Variants in BCOR observed in about 807,000 individuals in gnomAD.
BCOR encodes the protein BCL-6 corepressor.
Under a neutral mutation model 86.7 loss-of-function variants are expected in BCOR, and 10 were observed. The ratio of observed to expected loss-of-function variants is 0.12; its 90% confidence interval spans 0.07 to 0.20. The LOEUF (loss-of-function observed/expected upper bound fraction) is 0.20, where lower values mean the gene tolerates loss of function less well. Ranked by LOEUF, BCOR falls within the 10% of genes least tolerant of loss-of-function variation. BCOR has a pLI of 1.00. For synonymous variants in BCOR, 611 were observed against 609.0 expected (o/e 1.00, Z -0.05); for missense variants, 1,259 against 1,452.1 (o/e 0.87, Z 2.16).
intron 1 of BCOR, among the ~76,000 whole-genome samples, chrX:40,163,999 G>A (rs1203732806): frequency 9.3e-6 from 1 of 107,004 alleles, no homozygotes; most frequent in Non-Finnish European, 1.9e-5. Flanking sequence ...ACTCCAGCCT[G>A]GGCGACAGAG....
chrX:40,139,480 T>C lies in BCOR; in HGVS notation c.-41+37527A>G, dbSNP rs1484522201. ...ACATATATATATATATATATATATA[T>C]ATATATATATATATATATTTTTTTT... On this transcript the variant is annotated intron_variant, in intron 1 of 14. Coordinates refer to the BCOR transcript ENST00000342274. 2.2e-4 allele frequency among the ~76,000 whole-genome samples: 3 copies of C among 13,705 alleles called. 1 individual carries two copies. The highest frequency in any genetic ancestry group is 1.1e-3 in the African/African-American group (2 of 1,799). 11.9% of individuals were successfully genotyped at this position (13,705 alleles called of 115,157 possible).
Position 40,053,979 on chromosome X carries a change from T to C in BCOR, c.4883A>G (p.Asp1628Gly), listed in dbSNP as rs770678387. Residue 1628 changes from aspartate to glycine, a missense_variant, in exon 14 of 15, where the codon GAT (aspartate) becomes GGT (glycine). Asp to Gly is a moderately conservative substitution (Grantham distance 94, BLOSUM62 -1). Around this residue, in one of 7 missense-constraint regions of BCOR, gnomAD observed 137 missense variants for 149.8 expected, o/e 0.91. Coordinates refer to ENST00000378444, the MANE Select transcript of BCOR (RefSeq NM_001123385.2). ...ANPPGPEDQD[D>G]DDDAYSDVFE... ...CACATCGCTATAGGCATCGTCATCA[T>C]CATCCTGGTCTTCTGGTCCTGGGGG... 6.6e-6 allele frequency: 8 copies of C among 1,211,471 alleles called. No homozygotes were observed. The highest frequency in any genetic ancestry group is 2.2e-6 in the Non-Finnish European group (2 of 895,229).
At chrX:40,128,548 A>G (rs952840991) in intron 1 of BCOR, among the ~76,000 whole-genome samples, 2 of 111,946 alleles carry the variant, frequency 1.8e-5, no homozygotes, top group Non-Finnish European at 3.8e-5. Context: ...CCTGTCTCCA[A>G]AAAAAAGAAT....
rs148159560 is a variant in BCOR at position 40,130,058 on chromosome X, G to A, written c.-41+46949C>T. 1.5e-3 allele frequency among the ~76,000 whole-genome samples: 169 copies of A among 111,119 alleles called. 1 individual carries two copies. The highest frequency in any genetic ancestry group is 5.4e-3 in the South Asian group (14 of 2,611). On this transcript the variant is annotated intron_variant, in intron 1 of 14. Transcript: ENST00000342274. ...AAAAGAAGAAGAACAGACTTCACCC[G>A]TGCAGCAGGCACCTCCTCTACCACC... is the stretch of plus-strand genomic sequence containing the variant.
At chrX:40,112,289 A>T (rs1245829875) in intron 1 of BCOR, among the ~76,000 whole-genome samples, 4 of 110,432 alleles carry the variant, frequency 3.6e-5, no homozygotes, top group African/African-American at 1.3e-4. Flanking sequence ...CTTATTGATG[A>T]CTTACATTTT....
chrX:40,116,520 T>A (rs1281093349), intron 1 of BCOR, among the ~76,000 whole-genome samples: 1 of 110,153 alleles, frequency 9.1e-6, no homozygotes, highest in Non-Finnish European at 1.9e-5. Flanking sequence ...TGTCCTATAA[T>A]AAAGGTACTA....
chrX:40,120,402 GAATCAC>G (rs943444607), intron 1 of BCOR, among the ~76,000 whole-genome samples: 5 of 111,592 alleles, frequency 4.5e-5, no homozygotes, highest in Non-Finnish European at 9.4e-5. Context: ...AGAAACCTGA[GAATCAC>G]CCTTGACCTC....
chrX:40,057,615 C>G (rs912062025), intron 10 of BCOR, among the ~76,000 whole-genome samples: 12 of 111,872 alleles, frequency 1.1e-4, no homozygotes, highest in African/African-American at 3.9e-4. Context: ...CTACCAGAGG[C>G]TGCTAAGAAA....
intron 1 of BCOR, among the ~76,000 whole-genome samples, chrX:40,160,111 C>CT (rs748741460): frequency 0.019 from 1,955 of 104,578 alleles, 28 homozygotes; most frequent in African/African-American, 0.055. Flanking sequence ...ACATGGATTA[C>CT]TTTTTTTTTT....
chrX:40,120,688 C>G (rs1286592593), intron 1 of BCOR, among the ~76,000 whole-genome samples: 1 of 111,717 alleles, frequency 9.0e-6, no homozygotes, highest in Admixed American at 9.6e-5. Flanking sequence ...TCCAGGCTCC[C>G]GACACACCCC....
At chrX:40,125,344 C>T (rs1937526401) in intron 1 of BCOR, among the ~76,000 whole-genome samples, 1 of 111,647 alleles carries the variant, frequency 9.0e-6, no homozygotes, top group African/African-American at 3.3e-5. Context: ...AGTGATTCTC[C>T]CGCCTCAGCC....
At chrX:40,158,396 G>GCCGGGGCTGCCGCGCGGGCGTT (rs1938344225) in intron 1 of BCOR, among the ~76,000 whole-genome samples, 1 of 112,019 alleles carries the variant, frequency 8.9e-6, no homozygotes, top group Non-Finnish European at 1.9e-5. Context: ...CGCAGGCTGG[G>GCCGGGGCTGCCGCGCGGGCGTT]CCGGGGCTGC....
chrX:40,128,075 A>G (rs5963746), intron 1 of BCOR, among the ~76,000 whole-genome samples: 24,136 of 105,322 alleles, frequency 0.23, 4,565 homozygotes, highest in African/African-American at 0.62. Context: ...AAATACAAAT[A>G]TTAGCCGGGA....
intron 10 of BCOR, among the ~76,000 whole-genome samples, chrX:40,060,304 C>G (rs1331386135): frequency 8.9e-6 from 1 of 112,334 alleles, no homozygotes; most frequent in Admixed American, 9.4e-5. Flanking sequence ...TCTATAATGA[C>G]ATTTACATTT....
At chrX:40,120,657 C>T (rs1183158049) in intron 1 of BCOR, among the ~76,000 whole-genome samples, 2 of 111,841 alleles carry the variant, frequency 1.8e-5, no homozygotes, top group Non-Finnish European at 3.8e-5. Flanking sequence ...ATAACCACTG[C>T]TGCTGGGTGC....
chrX:40,071,428 TACAG>T (rs901252626), intron 5 of BCOR, among the ~76,000 whole-genome samples: 7 of 112,130 alleles, frequency 6.2e-5, no homozygotes, highest in East Asian at 2.7e-4. Flanking sequence ...CACTATTGCA[TACAG>T]ACAGACATTC....
chrX:40,144,951 T>C (rs1938007142), intron 1 of BCOR, among the ~76,000 whole-genome samples: 1 of 110,271 alleles, frequency 9.1e-6, no homozygotes, highest in Admixed American at 9.7e-5. Flanking sequence ...GCTGCTTTGG[T>C]CTGATTGCTA....
intron 1 of BCOR, among the ~76,000 whole-genome samples, chrX:40,103,074 GC>G (rs1937101402): frequency 9.5e-6 from 1 of 105,034 alleles, no homozygotes; most frequent in Non-Finnish European, 1.9e-5. Context: ...CAGCCGCGCA[GC>G]CCCCGGCCCT....
At chrX:40,137,271 G>A (rs1008716494) in intron 1 of BCOR, among the ~76,000 whole-genome samples, 7 of 111,796 alleles carry the variant, frequency 6.3e-5, no homozygotes, top group African/African-American at 2.3e-4. Flanking sequence ...TCCTGGCCGG[G>A]CACGGTGACT....
Sources: allele counts gnomAD v4.1 joint callset (sites outside exome capture counted in the v4.1 genomes callset), GRCh38; gene constraint gnomAD v4.1.1; regional missense constraint gnomAD v4.1.1; transcripts MANE v1.5; gene names NCBI Gene and HGNC (gene_info 2026-07-23, HGNC 2026-07-21).